Variants in MAGI2 observed in about 807,000 individuals in gnomAD.
MAGI2 encodes the protein membrane-associated guanylate kinase, WW and PDZ domain-containing protein 2.
Under a neutral mutation model 133.3 loss-of-function variants are expected in MAGI2, and 35 were observed. The ratio of observed to expected loss-of-function variants is 0.26; its 90% CI spans 0.20 to 0.35. The LOEUF (loss-of-function observed/expected upper bound fraction) is 0.35, where lower values mean the gene tolerates loss of function less well. Ranked by LOEUF, MAGI2 falls within the 10% of genes least tolerant of loss-of-function variation. The pLI is 1.00. For missense variants in MAGI2, 1,636 were observed against 1,863.4 expected (o/e 0.88, Z 2.25); for synonymous variants, 729 against 710.6 (o/e 1.03, Z -0.41).
chr7:79,202,277 G>C (rs907624328), intron 1 of MAGI2, among the ~76,000 whole-genome samples: 1 of 151,852 alleles, frequency 6.6e-6, no homozygotes, highest in Non-Finnish European at 1.5e-5. Context: ...ACTGGAGATG[G>C]GTGGTAAGGA....
At chr7:78,653,915 A>C (rs1185321772) in intron 2 of MAGI2, among the ~76,000 whole-genome samples, 1 of 152,208 alleles carries the variant, frequency 6.6e-6, no homozygotes, top group Non-Finnish European at 1.5e-5. Flanking sequence ...GAATAAATGC[A>C]AGGAATGTGC....
chr7:78,372,222 A>G (rs994823874), intron 6 of MAGI2, among the ~76,000 whole-genome samples: 4 of 151,578 alleles, frequency 2.6e-5, no homozygotes, highest in South Asian at 2.1e-4. Context: ...CACTTGTAAA[A>G]AGACAAGTCA....
At chr7:79,053,173 C>T (rs975495946) in intron 1 of MAGI2, among the ~76,000 whole-genome samples, 1 of 152,068 alleles carries the variant, frequency 6.6e-6, no homozygotes, top group Non-Finnish European at 1.5e-5. Flanking sequence ...TGGGGTTTCA[C>T]CACATTAGCT....
chr7:78,702,156 T>A (rs1321646509), intron 2 of MAGI2, among the ~76,000 whole-genome samples: 1 of 152,024 alleles, frequency 6.6e-6, no homozygotes, highest in Admixed American at 6.6e-5. Context: ...ACATTCACAG[T>A]ACACATGGTT....
intron 3 of MAGI2, among the ~76,000 whole-genome samples, chr7:78,563,244 T>C (rs1323066393): frequency 6.6e-6 from 1 of 152,072 alleles, no homozygotes; most frequent in African/African-American, 2.4e-5. Context: ...AGAGGAAAAA[T>C]TCAAAGATGA....
chr7:79,392,029 C>T (rs1025437925), intron 1 of MAGI2, among the ~76,000 whole-genome samples: 1 of 152,062 alleles, frequency 6.6e-6, no homozygotes, highest in Non-Finnish European at 1.5e-5. Context: ...CTCCGACAGG[C>T]CCCGGTGTGT....
chr7:79,205,646 TA>T lies in MAGI2; in HGVS notation c.302-198441del, dbSNP rs372269822. The stretch of plus-strand genomic sequence containing the variant: ...TTCTAAGACTGAAAAACAAAACTAT[TA>T]AAAAAAAGACTACAATAATTTATTA... On this transcript the variant is annotated intron_variant, in intron 1 of 21. Coordinates refer to ENST00000354212, the MANE Select transcript of MAGI2 (RefSeq NM_012301.4). Among the ~76,000 whole-genome samples the T allele has an allele frequency of 6.7e-4, 101 of 151,064 alleles. No individual in the cohort carries two copies. The East Asian group carries it at 9.3e-3, about 14-fold the overall frequency.
At chr7:78,186,417 CAA>C (rs1489350479) in intron 12 of MAGI2, among the ~76,000 whole-genome samples, 2 of 152,112 alleles carry the variant, frequency 1.3e-5, no homozygotes, top group African/African-American at 4.8e-5. Context: ...GGCAAGGCTC[CAA>C]TTGATTGACA....
At chr7:79,024,758 A>T (rs1386384867) in intron 1 of MAGI2, among the ~76,000 whole-genome samples, 1 of 152,158 alleles carries the variant, frequency 6.6e-6, no homozygotes, top group Non-Finnish European at 1.5e-5. Context: ...AAAAAAGCTC[A>T]ATATCACTAA....
At position 78,167,947 on chromosome 7, in the gene MAGI2, G is replaced by T. The variant is rs1179656524; in HGVS notation, c.2565C>A (p.Asn855Lys). 11 of 1,614,120 alleles carry T rather than the reference G, an allele frequency of 6.8e-6. No individual in the cohort carries two copies. The highest frequency in any genetic ancestry group is 2.2e-5 in the East Asian group (1 of 44,872). Reference sequence around the variant, plus strand: ...ATAGCACCTTTCTTCTCACAGTGAGGTTGACCTGCCCATTGCGGGCTGCGT... The same window carrying T: ...ATAGCACCTTTCTTCTCACAGTGAGTTTGACCTGCCCATTGCGGGCTGCGT... Reference protein sequence around the residue: ...MHHAARNGQVNLTVRRKVLCG... With the variant: ...MHHAARNGQVKLTVRRKVLCG... The change falls in exon 15 of 22, where the codon AAC (asparagine) becomes AAA (lysine). Residue 855 changes from asparagine (N) to lysine (K), a missense_variant. This residue lies in a region of MAGI2 where 920 missense variants were observed against 1,093.5 expected (regional missense o/e 0.84). Coordinates refer to ENST00000354212, the MANE Select transcript of MAGI2 (RefSeq NM_012301.4).
At chr7:78,221,002 C>T (rs575725977) in intron 10 of MAGI2, among the ~76,000 whole-genome samples, 7 of 152,148 alleles carry the variant, frequency 4.6e-5, no homozygotes, top group African/African-American at 9.7e-5. Flanking sequence ...CTAAGGCTAC[C>T]GTACCTGTAC....
chr7:79,113,496 A>T (rs1429741310), intron 1 of MAGI2, among the ~76,000 whole-genome samples: 1 of 152,220 alleles, frequency 6.6e-6, no homozygotes, highest in African/African-American at 2.4e-5. Flanking sequence ...GTCTGTACTT[A>T]AACTGAATAA....
intron 13 of MAGI2, among the ~76,000 whole-genome samples, chr7:78,179,326 T>C (rs374584703): frequency 3.9e-5 from 6 of 152,214 alleles, no homozygotes; most frequent in African/African-American, 1.4e-4. Flanking sequence ...CACATGATTA[T>C]ACAGTAGCAC....
At chr7:78,044,609 C>T (rs1197660847) in intron 21 of MAGI2, among the ~76,000 whole-genome samples, 1 of 151,474 alleles carries the variant, frequency 6.6e-6, no homozygotes, top group Non-Finnish European at 1.5e-5. Context: ...TTTTTGGGGA[C>T]TTGGTAGATG....
At chr7:79,106,158 A>G (rs2129543579) in intron 1 of MAGI2, among the ~76,000 whole-genome samples, 1 of 152,330 alleles carries the variant, frequency 6.6e-6, no homozygotes, top group South Asian at 2.1e-4. Context: ...AGCAAATTGG[A>G]TGAATCTCAA....
intron 3 of MAGI2, among the ~76,000 whole-genome samples, chr7:78,592,838 T>C (rs1584769131): frequency 1.3e-5 from 1 of 75,562 alleles, no homozygotes. Flanking sequence ...CTTTTTTTTT[T>C]TTTTTTTTTT....
chr7:78,618,990 A>G (rs1299454559), intron 3 of MAGI2: 1 of 130,878 alleles, frequency 7.6e-6, no homozygotes, highest in East Asian at 2.1e-4. Flanking sequence ...CATGGATTGC[A>G]TACTCCAAAA....
chr7:79,024,617 G>A (rs547694541), intron 1 of MAGI2, among the ~76,000 whole-genome samples: 16 of 152,054 alleles, frequency 1.1e-4, no homozygotes, highest in Middle Eastern at 3.4e-3. Flanking sequence ...ACCAACAAAA[G>A]TCTCATATCC....
intron 21 of MAGI2, among the ~76,000 whole-genome samples, chr7:78,048,868 G>A (rs1811706765): frequency 6.6e-6 from 1 of 152,132 alleles, no homozygotes; most frequent in South Asian, 2.1e-4. Flanking sequence ...CAGCACTTTG[G>A]GAGGCTGAGG....
Sources: gnomAD v4.1 joint callset for allele counts (sites outside exome capture counted in the v4.1 genomes callset) on GRCh38, gnomAD v4.1.1 for gene constraint, gnomAD v4.1.1 regional missense constraint, MANE v1.5 for transcripts, NCBI Gene and HGNC (gene_info 2026-07-23, HGNC 2026-07-21) for gene names.